The following CEP192 variants were observed in gnomAD, a reference collection of about 807,000 sequenced individuals.
CEP192 encodes the protein centrosomal protein of 192 kDa.
In CEP192, 151 loss-of-function variants were observed where a neutral mutation model predicts 271.8. The observed-to-expected ratio is 0.56, with a 90% confidence interval of 0.49 to 0.64. The LOEUF (loss-of-function observed/expected upper bound fraction) is 0.64, where lower values mean the gene tolerates loss of function less well. Among genes scored for constraint, CEP192 ranks in the 30% least tolerant of loss-of-function variants. CEP192 has a pLI of 0.00. For synonymous variants in CEP192, 995 were observed against 1,076.5 expected (o/e 0.92, Z 1.48); for missense variants, 2,910 against 3,020.5 (o/e 0.96, Z 0.86).
chr18:13,013,633 G>T (rs1157626888), intron 5 of CEP192, among the ~76,000 whole-genome samples: 2 of 152,104 alleles, frequency 1.3e-5, no homozygotes, highest in Non-Finnish European at 2.9e-5. Flanking sequence ...GTATACATGC[G>T]CAGATAGAGG....
At chr18:13,066,845 G>A (rs1021316695) in intron 21 of CEP192, among the ~76,000 whole-genome samples, 4 of 152,174 alleles carry the variant, frequency 2.6e-5, no homozygotes, top group South Asian at 2.1e-4. Flanking sequence ...CACCTTGAGC[G>A]CAAGTCTGGA....
At chr18:13,034,060 C>T (rs992170137) in intron 11 of CEP192, among the ~76,000 whole-genome samples, 7 of 152,106 alleles carry the variant, frequency 4.6e-5, no homozygotes, top group African/African-American at 1.7e-4. Context: ...CTTTGGTTAA[C>T]TTTGAAAAGC....
At position 13,009,911 on chromosome 18, in the gene CEP192, C is replaced by G. The variant is rs536604304; in HGVS notation, c.466+1280C>G. ...GGGGGTCAGGCACTGTGGCTTATGC[C>G]TGTAATTCCTGCTGAGGTGGGTGAA... On this transcript the variant is annotated intron_variant, in intron 4 of 44. Coordinates refer to ENST00000506447, the MANE Select transcript of CEP192 (RefSeq NM_032142.4). 5.9e-5 allele frequency among the ~76,000 whole-genome samples: 9 copies of G among 152,266 alleles called. No individual in the cohort carries two copies. In the South Asian group the frequency reaches 1.9e-3, roughly 32 times the overall value.
chr18:13,095,424 C>A, intron 34 of CEP192, 79 bp from the exon 35 acceptor site: 3 of 1,019,210 alleles, frequency 2.9e-6, no homozygotes, highest in Non-Finnish European at 2.9e-6. Context: ...ATATGTGATA[C>A]AATCTGGCCT....
At chr18:13,114,324 G>T (rs959107686) in intron 42 of CEP192, 73 bp downstream of exon 42, 2 of 1,507,160 alleles carry the variant, frequency 1.3e-6, no homozygotes, top group Non-Finnish European at 1.8e-6. Context: ...TAAAATGCTC[G>T]ATGACTTTAC....
At chr18:13,099,013 A>G (rs1056614518) in intron 36 of CEP192, among the ~76,000 whole-genome samples, 1 of 152,134 alleles carries the variant, frequency 6.6e-6, no homozygotes, top group Admixed American at 6.5e-5. Flanking sequence ...CCCCGTCTCC[A>G]CCAAAAAAAT....
At chr18:12,992,464 A>G (rs878942929) in intron 1 of CEP192, among the ~76,000 whole-genome samples, 1 of 152,286 alleles carries the variant, frequency 6.6e-6, no homozygotes, top group Admixed American at 6.5e-5. Context: ...GTAATTAGTG[A>G]GTCCAGATGT....
chr18:13,005,162 G>A (rs540875535), intron 3 of CEP192, among the ~76,000 whole-genome samples: 1 of 152,294 alleles, frequency 6.6e-6, no homozygotes, highest in East Asian at 1.9e-4. Context: ...GGCTGTGGGA[G>A]AGATGAGGGT....
At chr18:13,042,756 T>G (rs1049223051) in intron 15 of CEP192, among the ~76,000 whole-genome samples, 1 of 152,224 alleles carries the variant, frequency 6.6e-6, no homozygotes, top group African/African-American at 2.4e-5. Flanking sequence ...CACCTTACAT[T>G]TGTTAGATGA....
chr18:12,995,056 T>G (rs1258864507), intron 1 of CEP192, among the ~76,000 whole-genome samples: 12 of 15,890 alleles, frequency 7.6e-4, no homozygotes, highest in Non-Finnish European at 9.3e-5. Flanking sequence ...GGGAGGAATT[T>G]TTTTTTTTTT....
At chr18:13,098,293 T>C (rs1393763944) in intron 36 of CEP192, among the ~76,000 whole-genome samples, 2 of 150,494 alleles carry the variant, frequency 1.3e-5, no homozygotes, top group Non-Finnish European at 3.0e-5. Context: ...ACCTCCCTCC[T>C]GGATGGGGCG....
rs111552814 is a variant in CEP192 at position 13,063,820 on chromosome 18, A to ATTT, written c.4489-3995_4489-3993dup. ...ATCAATGTCCTGGAGATTTTCCCCA[A>ATTT]TTTTTTTTTTTTTTTTTTGAAATGG... is the stretch of plus-strand genomic sequence containing the variant. On this transcript the variant is annotated intron_variant, in intron 21 of 44. Transcript: ENST00000506447. Among the ~76,000 whole-genome samples, 194 of 134,548 alleles carry ATTT rather than the reference A, an allele frequency of 1.4e-3. 2 individuals carry two copies. The highest frequency in any genetic ancestry group is 0.011 in the Middle Eastern group (3 of 272). The allele number at this position is 134,548 out of a possible 152,430, so 88.3% of individuals were successfully genotyped here. A position where few individuals can be genotyped will look rare whatever the true frequency, so the allele number is the denominator to read the frequency against.
chr18:13,063,710 T>C (rs2037530742), intron 21 of CEP192, among the ~76,000 whole-genome samples: 1 of 152,196 alleles, frequency 6.6e-6, no homozygotes, highest in African/African-American at 2.4e-5. Flanking sequence ...GGGTAGAAGC[T>C]TTTTAGCTTG....
chr18:13,118,821 A>C (rs1449139879), intron 44 of CEP192, among the ~76,000 whole-genome samples: 1 of 152,160 alleles, frequency 6.6e-6, no homozygotes, highest in African/African-American at 2.4e-5. Flanking sequence ...CATCATCATT[A>C]AATCTCCCCT....
chr18:13,098,177 G>T (rs1259653826), intron 36 of CEP192, among the ~76,000 whole-genome samples: 2 of 152,236 alleles, frequency 1.3e-5, no homozygotes, highest in Non-Finnish European at 2.9e-5. Flanking sequence ...CCCAGACGGG[G>T]TGGTGGCCAG....
chr18:13,079,481 GTTGT>G (rs1429611400), intron 30 of CEP192, among the ~76,000 whole-genome samples: 15 of 152,120 alleles, frequency 9.9e-5, no homozygotes, highest in African/African-American at 2.2e-4. Context: ...TTTTGATGGG[GTTGT>G]TTGTTTTTTT....
intron 30 of CEP192, among the ~76,000 whole-genome samples, chr18:13,084,009 C>T (rs1684822300): frequency 6.6e-6 from 1 of 152,096 alleles, no homozygotes; most frequent in African/African-American, 2.4e-5. Flanking sequence ...CCCAGAGGGG[C>T]ACCAGCCTGT....
intron 17 of CEP192, among the ~76,000 whole-genome samples, chr18:13,052,207 C>G (rs1189155070): frequency 6.6e-6 from 1 of 152,188 alleles, no homozygotes; most frequent in African/African-American, 2.4e-5. Flanking sequence ...CACTATTTGT[C>G]ACTTCCTGAT....
chr18:13,074,366 G>C (rs2038166358), intron 30 of CEP192, among the ~76,000 whole-genome samples: 1 of 152,152 alleles, frequency 6.6e-6, no homozygotes, highest in Non-Finnish European at 1.5e-5. Context: ...GCACCCAGGG[G>C]ATACTGCCAG....
Sources: allele counts gnomAD v4.1 joint callset (sites outside exome capture counted in the v4.1 genomes callset), GRCh38; gene constraint gnomAD v4.1.1; transcripts MANE v1.5; gene names NCBI Gene and HGNC (gene_info 2026-07-23, HGNC 2026-07-21).